The following GPBP1 variants were observed in gnomAD, a reference collection of about 807,000 sequenced individuals.
The protein encoded by GPBP1 is vasculin.
In GPBP1, 13 loss-of-function variants were observed where a neutral mutation model predicts 56.5. The observed-to-expected ratio is 0.23, with a 90% CI of 0.15 to 0.37. The LOEUF is 0.37. Among genes scored for constraint, GPBP1 ranks in the 10% least tolerant of loss-of-function variants. The pLI is 1.00. For synonymous variants in GPBP1, 204 were observed against 188.9 expected, an observed-to-expected ratio of 1.08 and a Z score of -0.66; for missense variants, 477 against 572.3, an observed-to-expected ratio of 0.83 and a Z score of 1.70.
At chr5:57,257,090 G>A (rs1741698898) in intron 10 of GPBP1, among the ~76,000 whole-genome samples, 1 of 151,272 alleles carries the variant, frequency 6.6e-6, no homozygotes, top group Non-Finnish European at 1.5e-5. Flanking sequence ...CTGGAGTACC[G>A]TGGTGTGACC....
rs756923188 is a variant in GPBP1, at chr5:57,237,066, A to G, written c.478+1034A>G. ...CTTTTGTTAGAACCATGTGAATGGC[A>G]TTGTTTTTTCTGTATTGCAAATTAG... is the stretch of plus-strand genomic sequence containing the variant. On this transcript the variant is annotated intron_variant, in intron 6 of 11. Transcript: ENST00000506184. 5 of 1,325,726 alleles carry G rather than the reference A, an allele frequency of 3.8e-6. No homozygotes were observed. In the African/African-American group the frequency reaches 7.3e-5, roughly 19 times the overall value. The allele number at this position is 1,325,726 out of a possible 1,614,324, so 82.1% of individuals were successfully genotyped here.
chr5:57,206,369 T>C (rs1393053202), intron 2 of GPBP1, among the ~76,000 whole-genome samples: 1 of 152,172 alleles, frequency 6.6e-6, no homozygotes, highest in Non-Finnish European at 1.5e-5. Context: ...TTTGCTTTTA[T>C]ATTTAGGTCT....
chr5:57,231,238 C>G lies in GPBP1; in HGVS notation c.328C>G (p.Leu110Val). The G allele has an allele frequency of 6.2e-7, 1 of 1,614,020 alleles. No individual in the cohort carries two copies. Among genetic ancestry groups the G allele is most frequent in the Non-Finnish European group, 8.5e-7 (1 of 1,179,972 alleles). The change falls in exon 5 of 12, where the codon CTA (leucine) becomes GTA (valine). Residue 110 changes from leucine to valine, a missense_variant. Transcript: ENST00000506184. ...SIFHAGKSQG[L>V]HENNIPDNET... ...TTTCCATGCAGGAAAAAGCCAAGGA[C>G]TACATGAAAACAACATACCTGACAA... is the stretch of plus-strand genomic sequence containing the variant.
At chr5:57,180,042 A>G (rs905751296) in intron 2 of GPBP1, among the ~76,000 whole-genome samples, 1 of 152,150 alleles carries the variant, frequency 6.6e-6, no homozygotes, top group Admixed American at 6.5e-5. Flanking sequence ...GTTACAAGAA[A>G]GGGGTAATTG....
At chr5:57,182,204 C>T (rs1754080173) in intron 2 of GPBP1, among the ~76,000 whole-genome samples, 1 of 152,042 alleles carries the variant, frequency 6.6e-6, no homozygotes, top group African/African-American at 2.4e-5. Context: ...CTGCCTCAGC[C>T]TCCCTAGTAG....
intron 3 of GPBP1, among the ~76,000 whole-genome samples, chr5:57,222,613 G>A (rs892869762): frequency 1.3e-5 from 2 of 151,820 alleles, no homozygotes; most frequent in Admixed American, 1.3e-4. Context: ...GTAAACTTTT[G>A]TTGAGTGGAT....
chr5:57,174,401 C>T (rs911393090), intron 1 of GPBP1, among the ~76,000 whole-genome samples, 190 bp downstream of exon 1: 3 of 151,656 alleles, frequency 2.0e-5, no homozygotes, highest in African/African-American at 7.3e-5. Context: ...TAGGTATTGA[C>T]TCGGCCCGGG....
At chr5:57,200,944 C>G (rs1318532604) in intron 2 of GPBP1, among the ~76,000 whole-genome samples, 1 of 152,162 alleles carries the variant, frequency 6.6e-6, no homozygotes, top group African/African-American at 2.4e-5. Flanking sequence ...TCCCAGAGTG[C>G]TGGGATTACA....
intron 2 of GPBP1, among the ~76,000 whole-genome samples, chr5:57,209,600 A>T (rs1270315312): frequency 6.6e-6 from 1 of 151,218 alleles, no homozygotes; most frequent in African/African-American, 2.4e-5. Flanking sequence ...GTCTTTCACC[A>T]TTGAGGATGA....
intron 2 of GPBP1, among the ~76,000 whole-genome samples, chr5:57,194,394 A>G (rs982388081): frequency 2.0e-5 from 3 of 152,150 alleles, no homozygotes; most frequent in South Asian, 2.1e-4. Context: ...AAATATATAT[A>G]TATTTCTACT....
intron 2 of GPBP1, among the ~76,000 whole-genome samples, chr5:57,209,031 C>T (rs6874104): frequency 0.021 from 3,256 of 152,178 alleles, 61 homozygotes; most frequent in Middle Eastern, 0.048. Context: ...CAAGTCTTAA[C>T]ATTTTCTTGG....
At chr5:57,261,079 T>C in intron 10 of GPBP1, 101 bp from the exon 11 acceptor site, 3 of 759,712 alleles carry the variant, frequency 3.9e-6, no homozygotes, top group Non-Finnish European at 6.8e-6. Flanking sequence ...GGTCTTTGTA[T>C]AATGGATCCT....
intron 5 of GPBP1, among the ~76,000 whole-genome samples, chr5:57,231,735 A>G (rs1756469888): frequency 6.6e-6 from 1 of 152,176 alleles, no homozygotes; most frequent in African/African-American, 2.4e-5. Flanking sequence ...TTCATTGTCA[A>G]TTCTTATTCA....
At chr5:57,252,555 T>C (rs1342920964) in intron 10 of GPBP1, among the ~76,000 whole-genome samples, 2 of 151,994 alleles carry the variant, frequency 1.3e-5, no homozygotes, top group Admixed American at 6.6e-5. Flanking sequence ...CATACCCAGC[T>C]AATTTTTGTA....
chr5:57,206,849 T>C (rs570278567), intron 2 of GPBP1, among the ~76,000 whole-genome samples: 3 of 152,308 alleles, frequency 2.0e-5, no homozygotes, highest in East Asian at 3.9e-4. Flanking sequence ...TAGGCCATAC[T>C]ACAGTTTTGA....
chr5:57,174,682 G>T (rs1047391314), intron 1 of GPBP1, among the ~76,000 whole-genome samples: 1 of 152,242 alleles, frequency 6.6e-6, no homozygotes, highest in African/African-American at 2.4e-5. Flanking sequence ...GGCACTTGCC[G>T]TGGACTGGGG....
intron 8 of GPBP1, among the ~76,000 whole-genome samples, chr5:57,248,509 G>T (rs1300213719): frequency 7.0e-6 from 1 of 141,994 alleles, no homozygotes; most frequent in South Asian, 2.2e-4. Context: ...CTCACTGCAA[G>T]CTCCGCCTCC....
chr5:57,200,733 G>T (rs1754979736), intron 2 of GPBP1, among the ~76,000 whole-genome samples: 1 of 152,234 alleles, frequency 6.6e-6, no homozygotes, highest in East Asian at 1.9e-4. Context: ...CCAGGCTGGA[G>T]TGCAGTGGCA....
intron 10 of GPBP1, among the ~76,000 whole-genome samples, chr5:57,255,426 T>G (rs1032604869): frequency 2.6e-5 from 4 of 152,244 alleles, no homozygotes; most frequent in African/African-American, 9.6e-5. Flanking sequence ...CCAAAAACAT[T>G]CTGATAATTT....
Sources: gnomAD v4.1 joint callset for allele counts (sites outside exome capture counted in the v4.1 genomes callset) on GRCh38, gnomAD v4.1.1 for gene constraint, MANE v1.5 for transcripts, NCBI Gene and HGNC (gene_info 2026-07-23, HGNC 2026-07-21) for gene names.